INSR: variants seen among roughly 807,000 people sequenced by gnomAD.
The protein encoded by INSR is insulin receptor.
Under a neutral mutation model 142.6 loss-of-function variants are expected in INSR, and 67 were observed. The observed-to-expected ratio is 0.47, with a 90% CI of 0.39 to 0.58. INSR has a LOEUF of 0.58. Ranked by LOEUF, INSR falls within the 20% of genes least tolerant of loss-of-function variation. The probability of loss-of-function intolerance (pLI) is 0.00; values close to 1 mark genes in which losing one functional copy is unlikely to be tolerated. For missense variants in INSR, 1,248 were observed against 1,833.2 expected, an observed-to-expected ratio of 0.68 and a Z score of 5.83; for synonymous variants, 756 against 743.1, an observed-to-expected ratio of 1.02 and a Z score of -0.28.
intron 2 of INSR, among the ~76,000 whole-genome samples, chr19:7,230,108 A>G (rs1434657356): frequency 6.6e-6 from 1 of 151,966 alleles, no homozygotes; most frequent in Non-Finnish European, 1.5e-5. Context: ...TTTTATCCAT[A>G]TTGTTCTCGG....
chr19:7,129,673 C>T (rs1398738821), intron 14 of INSR, among the ~76,000 whole-genome samples: 1 of 152,188 alleles, frequency 6.6e-6, no homozygotes, highest in Non-Finnish European at 1.5e-5. Context: ...TCATTGTTCA[C>T]TGGGTCTTGC....
chr19:7,257,968 GCC>G (rs1976947735), intron 2 of INSR, among the ~76,000 whole-genome samples: 1 of 152,166 alleles, frequency 6.6e-6, no homozygotes, highest in Non-Finnish European at 1.5e-5. Flanking sequence ...GATTACAGGT[GCC>G]CGCCACCACG....
intron 3 of INSR, among the ~76,000 whole-genome samples, chr19:7,178,576 G>A (rs374482368): frequency 6.6e-6 from 1 of 152,022 alleles, no homozygotes; most frequent in Admixed American, 6.6e-5. Flanking sequence ...AAAATTAGCC[G>A]TGCGTGATGG....
chr19:7,142,772 G>A lies in INSR; in HGVS notation c.2542+44C>T, dbSNP rs143736032. 1.7e-5 allele frequency: 28 copies of A among 1,609,302 alleles called. No individual in the cohort carries two copies. In the African/African-American group the frequency reaches 3.5e-4, roughly 20 times the overall value. On this transcript the variant is annotated intron_variant, in intron 12 of 21. Coordinates refer to ENST00000302850, the MANE Select transcript of INSR (RefSeq NM_000208.4). ...GGAGAATCTGTCCTTGGTCAGCCTT[G>A]ATGTCCCACCCATGACACTCGGACC...
intron 13 of INSR, among the ~76,000 whole-genome samples, chr19:7,134,225 G>C (rs1972853496): frequency 6.6e-6 from 1 of 152,170 alleles, no homozygotes; most frequent in South Asian, 2.1e-4. Context: ...AAAGAGAACT[G>C]TCTGGCTCTA....
chr19:7,139,795 G>T (rs1973021747), intron 13 of INSR, among the ~76,000 whole-genome samples: 1 of 149,380 alleles, frequency 6.7e-6, no homozygotes, highest in South Asian at 2.1e-4. Flanking sequence ...GCTGTGAAGG[G>T]CCACATATAG....
At chr19:7,239,718 G>A (rs1976281129) in intron 2 of INSR, among the ~76,000 whole-genome samples, 1 of 152,126 alleles carries the variant, frequency 6.6e-6, no homozygotes, top group African/African-American at 2.4e-5. Context: ...AGGGGAGCTG[G>A]TGAGTAGCAT....
intron 12 of INSR, 65 bp downstream of exon 12, chr19:7,142,751 A>C: frequency 6.4e-7 from 1 of 1,573,918 alleles, no homozygotes; most frequent in Non-Finnish European, 8.7e-7. Flanking sequence ...GAGGGTGGAG[A>C]ATCTGTCCTT....
chr19:7,203,699 C>T (rs545756537), intron 2 of INSR, among the ~76,000 whole-genome samples: 240 of 152,272 alleles, frequency 1.6e-3, no homozygotes, highest in Non-Finnish European at 3.0e-3. Context: ...ATTTCCTCAA[C>T]TCCTGAAGGA....
At chr19:7,271,201 A>G (rs910801723) in intron 1 of INSR, among the ~76,000 whole-genome samples, 4 of 152,168 alleles carry the variant, frequency 2.6e-5, no homozygotes, top group East Asian at 1.9e-4. Context: ...AGTGCAAAGA[A>G]TGTAAAGAAA....
In INSR at chr19:7,119,558, T is replaced by G. The variant is rs754327246; in HGVS notation, c.3685A>C (p.Ile1229Leu). Residue 1229 changes from isoleucine (I) to leucine (L), a missense_variant, in exon 21 of 22, where the codon ATC becomes CTC. Physicochemically the swap from Ile to Leu is conservative, Grantham distance 5. Coordinates refer to ENST00000302850, the MANE Select transcript of INSR (RefSeq NM_000208.4). This position sits in a 1 kb window ranked among gnomAD's most constrained non-coding sequence, Gnocchi z 5.2. ...MWSFGVVLWE[I>L]TSLAEQPYQG... is the part of the protein sequence containing the mutation. ...TAAGGCTGTTCTGCCAAGCTGGTGA[T>G]TTCCCAAAGGACCACGCCAAAGGAC... 1 of 1,614,114 alleles carries G rather than the reference T, an allele frequency of 6.2e-7. No individual in the cohort carries two copies.
rs1288842178 is a variant in INSR at position 7,168,160 on chromosome 19, AC to A, written c.1484-67del. On this transcript the variant is annotated intron_variant, in intron 6 of 21. Coordinates refer to ENST00000302850, the MANE Select transcript of INSR (RefSeq NM_000208.4). This position sits in a 1 kb window ranked among gnomAD's most constrained non-coding sequence, Gnocchi z 4.3. The stretch of plus-strand genomic sequence containing the variant: ...GTGTAGTTTCAGACCAAAGCCTGGG[AC>A]CCCCACACTTCCTGGAGGGACCGTG... The A allele has an allele frequency of 4.5e-6, 7 of 1,543,834 alleles. No homozygotes were observed. Among genetic ancestry groups the A allele is most frequent in the South Asian group, 1.1e-5 (1 of 88,752 alleles).
At chr19:7,118,290 T>C (rs1350919398) in intron 21 of INSR, among the ~76,000 whole-genome samples, 1 of 151,712 alleles carries the variant, frequency 6.6e-6, no homozygotes, top group Admixed American at 6.6e-5. Context: ...GGGGAATATA[T>C]AATATGTATG....
At chr19:7,232,010 C>T (rs1247564923) in intron 2 of INSR, among the ~76,000 whole-genome samples, 3 of 152,032 alleles carry the variant, frequency 2.0e-5, no homozygotes, top group Admixed American at 2.0e-4. Context: ...CCCGCTTCTT[C>T]AATAAAACCA....
intron 1 of INSR, among the ~76,000 whole-genome samples, chr19:7,272,262 C>T (rs1011649808): frequency 1.3e-5 from 2 of 151,726 alleles, no homozygotes; most frequent in Admixed American, 1.3e-4. Context: ...GCCAAGATTG[C>T]ACCACTGCAC....
chr19:7,209,292 C>T (rs914138134), intron 2 of INSR, among the ~76,000 whole-genome samples: 9 of 152,216 alleles, frequency 5.9e-5, no homozygotes, highest in Non-Finnish European at 1.3e-4. Context: ...CACCACTGCA[C>T]TCCAGGCTGG....
intron 2 of INSR, among the ~76,000 whole-genome samples, chr19:7,229,372 G>GGATA (rs1407109245): frequency 6.6e-6 from 1 of 151,840 alleles, no homozygotes; most frequent in South Asian, 2.1e-4. Flanking sequence ...ATGGATAGAT[G>GGATA]GATGGGCAGA....
At chr19:7,229,674 T>C (rs1190910165) in intron 2 of INSR, among the ~76,000 whole-genome samples, 2 of 152,128 alleles carry the variant, frequency 1.3e-5, no homozygotes, top group Non-Finnish European at 2.9e-5. Flanking sequence ...TTAGCTACAG[T>C]TTTTAAACTT....
chr19:7,183,959 T>C (rs1387653985), intron 3 of INSR, among the ~76,000 whole-genome samples: 1 of 150,608 alleles, frequency 6.6e-6, no homozygotes, highest in African/African-American at 2.5e-5. Context: ...CTTGGGAGGC[T>C]GAGGCAGGAA....
Sources: allele counts gnomAD v4.1 joint callset (sites outside exome capture counted in the v4.1 genomes callset), GRCh38; gene constraint gnomAD v4.1.1; non-coding constraint Gnocchi (gnomAD v3.1); transcripts MANE v1.5; gene names NCBI Gene and HGNC (gene_info 2026-07-23, HGNC 2026-07-21).